The following SND1 variants were observed in gnomAD, a reference collection of about 807,000 sequenced individuals.
The protein encoded by SND1 is staphylococcal nuclease and tudor domain containing 1, also known as staphylococcal nuclease domain-containing protein 1.
In SND1, 38 loss-of-function variants were observed where a neutral mutation model predicts 121.7. That is an observed-to-expected ratio of 0.31 (90% CI 0.24 to 0.41). The LOEUF (loss-of-function observed/expected upper bound fraction) is 0.41. Among genes scored for constraint, SND1 ranks in the 10% least tolerant of loss-of-function variants. The pLI is 1.00. For synonymous variants in SND1, 401 were observed against 447.4 expected, an observed-to-expected ratio of 0.90 and a Z score of 1.31; for missense variants, 868 against 1,184.6, an observed-to-expected ratio of 0.73 and a Z score of 3.92.
chr7:127,664,119 A>G lies in SND1; in HGVS notation c.78+11668A>G, dbSNP rs547766704. Among the ~76,000 whole-genome samples the G allele has an allele frequency of 1.8e-3, 270 of 152,262 alleles. 1 individual carries two copies. Among genetic ancestry groups the G allele is most frequent in the African/African-American group, 6.2e-3 (259 of 41,554 alleles). On this transcript the variant is annotated intron_variant, in intron 1 of 23. Transcript: ENST00000354725. ...CAACTCGCTGCAGCCTCAGCCTGCC[A>G]GGCTTAAGACATCCTCTGGCTAATT...
chr7:127,951,401 G>A (rs1412939310), intron 15 of SND1, among the ~76,000 whole-genome samples: 1 of 152,196 alleles, frequency 6.6e-6, no homozygotes, highest in Admixed American at 6.5e-5. Flanking sequence ...TAGAGTGAAT[G>A]GTGGTTGCCA....
intron 4 of SND1, among the ~76,000 whole-genome samples, chr7:127,700,844 C>T (rs760380203): frequency 6.6e-6 from 1 of 152,186 alleles, no homozygotes; most frequent in Non-Finnish European, 1.5e-5. Flanking sequence ...AAATGAAGCT[C>T]TACCACCTGG....
intron 15 of SND1, among the ~76,000 whole-genome samples, chr7:127,972,820 T>G (rs948744724): frequency 2.6e-5 from 4 of 151,760 alleles, no homozygotes; most frequent in African/African-American, 9.7e-5. Flanking sequence ...CCTCAAGAGA[T>G]CCACCTGTCT....
At chr7:127,881,826 T>C (rs1799797584) in intron 12 of SND1, among the ~76,000 whole-genome samples, 1 of 152,082 alleles carries the variant, frequency 6.6e-6, no homozygotes, top group African/African-American at 2.4e-5. Flanking sequence ...CAGTCTGGAG[T>C]GCAGTGGTGT....
At chr7:128,059,854 C>G (rs1793203129) in intron 16 of SND1, among the ~76,000 whole-genome samples, 1 of 152,240 alleles carries the variant, frequency 6.6e-6, no homozygotes, top group African/African-American at 2.4e-5. Flanking sequence ...CCAGCACGTT[C>G]TCTTTATGAA....
At chr7:127,976,768 T>A (rs554249001) in intron 15 of SND1, among the ~76,000 whole-genome samples, 7 of 152,240 alleles carry the variant, frequency 4.6e-5, no homozygotes, top group Non-Finnish European at 1.0e-4. Flanking sequence ...TAAAGCCCAG[T>A]GAATGAGAGA....
In SND1 at chr7:127,797,338, A is replaced by C. The variant is rs564571581; in HGVS notation, c.1153-10146A>C. Among the ~76,000 whole-genome samples the C allele has an allele frequency of 2.0e-3, 310 of 152,322 alleles. 1 individual carries two copies. The highest frequency in any genetic ancestry group is 7.3e-3 in the African/African-American group (302 of 41,572). ...CTCTTGGCCATTTGTTTGCCATGAAATATTCAGGGAATGTTTGATTTCAAG... is the reference window on the plus strand; with the variant it reads ...CTCTTGGCCATTTGTTTGCCATGAACTATTCAGGGAATGTTTGATTTCAAG... On this transcript the variant is annotated intron_variant, in intron 10 of 23. Coordinates refer to ENST00000354725, the MANE Select transcript of SND1 (RefSeq NM_014390.4).
At chr7:127,815,335 C>T (rs1433588626) in intron 11 of SND1, among the ~76,000 whole-genome samples, 2 of 151,682 alleles carry the variant, frequency 1.3e-5, no homozygotes, top group South Asian at 2.1e-4. Context: ...AATAAGAAGA[C>T]GATCTATAGC....
intron 16 of SND1, among the ~76,000 whole-genome samples, chr7:128,070,945 G>T (rs1793399619): frequency 6.6e-6 from 1 of 152,174 alleles, no homozygotes; most frequent in Admixed American, 6.5e-5. Context: ...CATTTTAGGT[G>T]GAACAGGGTA....
chr7:127,825,482 A>G (rs1402502072), intron 11 of SND1, among the ~76,000 whole-genome samples: 1 of 149,450 alleles, frequency 6.7e-6, no homozygotes, highest in Non-Finnish European at 1.5e-5. Context: ...ATCTTGGTTC[A>G]CTACAACCTC....
At chr7:128,086,898 A>G in intron 20 of SND1, 40 bp from the exon 21 acceptor site, 2 of 1,497,842 alleles carry the variant, frequency 1.3e-6, no homozygotes, top group Non-Finnish European at 1.9e-6. Context: ...GCAAGGGGGC[A>G]GCGAGTATGT....
chr7:127,775,403 T>C (rs974149542), intron 10 of SND1, among the ~76,000 whole-genome samples: 3 of 133,428 alleles, frequency 2.2e-5, no homozygotes, highest in Admixed American at 9.1e-5. Flanking sequence ...TAATAACAAA[T>C]ATAATAAAAA....
chr7:128,083,102 C>T (rs1262397621), intron 18 of SND1, among the ~76,000 whole-genome samples: 5 of 152,186 alleles, frequency 3.3e-5, no homozygotes, highest in South Asian at 2.1e-4. Context: ...TCTGCTGAAA[C>T]CTTTCATCCC....
intron 16 of SND1, among the ~76,000 whole-genome samples, chr7:128,072,767 TCTC>T (rs1467050238): frequency 6.6e-6 from 1 of 152,098 alleles, no homozygotes; most frequent in East Asian, 1.9e-4. Context: ...TGGCCAAGCT[TCTC>T]CTTTGTTCCA....
chr7:127,834,801 C>G (rs1390987246), intron 11 of SND1, among the ~76,000 whole-genome samples: 1 of 152,152 alleles, frequency 6.6e-6, no homozygotes, highest in African/African-American at 2.4e-5. Context: ...TTATATACAT[C>G]CTTGAGGTCA....
intron 16 of SND1, among the ~76,000 whole-genome samples, chr7:128,003,572 CAT>C (rs1349353282): frequency 3.3e-5 from 5 of 152,224 alleles, no homozygotes; most frequent in Non-Finnish European, 7.3e-5. Context: ...TCACTTCACA[CAT>C]CTCTATAATG....
At chr7:127,872,628 G>GCACACACACACACA in intron 12 of SND1, among the ~76,000 whole-genome samples, 1 of 139,846 alleles carries the variant, frequency 7.2e-6, no homozygotes, top group Non-Finnish European at 1.6e-5. Context: ...TAACACACAC[G>GCACACACACACACA]CACACACACA....
intron 15 of SND1, 67 bp from the exon 16 acceptor site, chr7:127,990,880 G>A (rs1052293619): frequency 1.4e-5 from 15 of 1,101,946 alleles, no homozygotes; most frequent in South Asian, 2.7e-5. Flanking sequence ...TCAGGGGACC[G>A]TCCTTATTGG....
intron 16 of SND1, chr7:127,998,679 G>C (rs1272437848): frequency 6.6e-6 from 1 of 152,266 alleles, no homozygotes; most frequent in Non-Finnish European, 1.5e-5. Flanking sequence ...AGAGAGAAGA[G>C]AGGGCCCTCA....
Sources: gnomAD v4.1 joint callset for allele counts (sites outside exome capture counted in the v4.1 genomes callset) on GRCh38, gnomAD v4.1.1 for gene constraint, MANE v1.5 for transcripts, NCBI Gene and HGNC (gene_info 2026-07-23, HGNC 2026-07-21) for gene names.